The following DNAJC3 variants were observed in gnomAD, a reference collection of about 807,000 sequenced individuals.
DNAJC3 encodes the protein dnaJ homolog subfamily C member 3.
In DNAJC3, 38 loss-of-function variants were observed where a neutral mutation model predicts 68.6. That is an observed-to-expected ratio of 0.55 (90% CI 0.43 to 0.73). The LOEUF is 0.73. DNAJC3 is among the 30% of genes least tolerant of loss of function. The pLI is 0.00. For missense variants in DNAJC3, 526 were observed against 591.9 expected (o/e 0.89, Z 1.16); for synonymous variants, 203 against 204.0 (o/e 1.00, Z 0.04).
chr13:95,764,037 A>T, intron 9 of DNAJC3, 84 bp downstream of exon 9: 2 of 1,542,852 alleles, frequency 1.3e-6, no homozygotes, highest in Non-Finnish European at 1.7e-6. Flanking sequence ...CCTTAAAACA[A>T]ATTTACCAGA....
At chr13:95,781,217 C>G (rs1883441430) in intron 9 of DNAJC3, among the ~76,000 whole-genome samples, 1 of 152,116 alleles carries the variant, frequency 6.6e-6, no homozygotes, top group Non-Finnish European at 1.5e-5. Context: ...CCTCCACAGG[C>G]ACACCTTTCA....
chr13:95,775,247 A>C (rs1883263157), intron 9 of DNAJC3, among the ~76,000 whole-genome samples: 1 of 152,190 alleles, frequency 6.6e-6, no homozygotes, highest in East Asian at 1.9e-4. Flanking sequence ...GTTTTAAATA[A>C]ATTTCTAATA....
At chr13:95,714,754 G>A (rs1881084645) in intron 2 of DNAJC3, among the ~76,000 whole-genome samples, 1 of 152,192 alleles carries the variant, frequency 6.6e-6, no homozygotes, top group African/African-American at 2.4e-5. Flanking sequence ...TAGAAAAAGT[G>A]TGTCTTAAAG....
chr13:95,749,167 G>T (rs1224330274), intron 4 of DNAJC3, among the ~76,000 whole-genome samples: 1 of 152,182 alleles, frequency 6.6e-6, no homozygotes, highest in Non-Finnish European at 1.5e-5. Context: ...ATGCATTTTT[G>T]TTATATCATA....
At chr13:95,776,651 T>G (rs1380249282) in intron 9 of DNAJC3, among the ~76,000 whole-genome samples, 3 of 152,354 alleles carry the variant, frequency 2.0e-5, no homozygotes. Flanking sequence ...TTTTTGTACT[T>G]TTAAAAATAG....
At chr13:95,713,163 CTT>C (rs1047141903) in intron 2 of DNAJC3, among the ~76,000 whole-genome samples, 2 of 152,120 alleles carry the variant, frequency 1.3e-5, no homozygotes, top group Non-Finnish European at 2.9e-5. Flanking sequence ...TCCGGTATGT[CTT>C]TATTAGCAGT....
intron 4 of DNAJC3, among the ~76,000 whole-genome samples, chr13:95,728,211 G>T (rs1291625588): frequency 6.6e-6 from 1 of 152,084 alleles, no homozygotes; most frequent in Non-Finnish European, 1.5e-5. Flanking sequence ...GTTATCCCTG[G>T]GATAAATGTC....
rs373244343 is a variant in DNAJC3 at position 95,751,107 on chromosome 13, T to TA, written c.394-6536dup. On this transcript the variant is annotated intron_variant, in intron 4 of 11. Coordinates refer to ENST00000602402, the MANE Select transcript of DNAJC3 (RefSeq NM_006260.5). Reference sequence around the variant, plus strand: ...ATAATTAACTGGGTATGGTGACACATACCTGTAGTCCTAGCTACTTGGGAG... The same window carrying TA: ...ATAATTAACTGGGTATGGTGACACATAACCTGTAGTCCTAGCTACTTGGGAG... Among the ~76,000 whole-genome samples the TA allele has an allele frequency of 2.2e-3, 329 of 152,244 alleles. 5 individuals carry two copies. Among genetic ancestry groups the TA allele is most frequent in the African/African-American group, 7.6e-3 (314 of 41,548 alleles).
chr13:95,727,194 G>GT lies in DNAJC3; in HGVS notation c.393+1954dup, dbSNP rs796640225. On this transcript the variant is annotated intron_variant, in intron 4 of 11. Transcript: ENST00000602402. ...GCAGATGCTTAAATCTGTTACTTAG[G>GT]TTTTTTTTTTTTCCAATTAAACTTG... Among the ~76,000 whole-genome samples, 943 of 146,018 alleles carry GT rather than the reference G, an allele frequency of 6.5e-3. 9 individuals carry two copies. Among genetic ancestry groups the GT allele is most frequent in the African/African-American group, 0.018 (741 of 40,208 alleles).
chr13:95,722,793 CTGGGTGACAGACACCTTGTCCG>C (rs1362278146), intron 2 of DNAJC3, among the ~76,000 whole-genome samples: 4 of 124,404 alleles, frequency 3.2e-5, no homozygotes, highest in African/African-American at 1.2e-4. Context: ...GCGCTCCAAC[CTGGGTGACAGACACCTTGTCCG>C]CCCCCCCCCC....
At chr13:95,720,136 T>G (rs1168049999) in intron 2 of DNAJC3, among the ~76,000 whole-genome samples, 1 of 152,086 alleles carries the variant, frequency 6.6e-6, no homozygotes, top group Non-Finnish European at 1.5e-5. Context: ...GTAAGGGATA[T>G]GTATTATAGA....
intron 4 of DNAJC3, among the ~76,000 whole-genome samples, chr13:95,746,338 G>A (rs1243643829): frequency 6.6e-6 from 1 of 152,104 alleles, no homozygotes; most frequent in African/African-American, 2.4e-5. Context: ...ATTACCTTCT[G>A]GAGGAAGATT....
Position 95,757,637 on chromosome 13 carries a change from C to T in DNAJC3, c.394-7C>T. The T allele has an allele frequency of 3.2e-6, 5 of 1,539,514 alleles. No homozygotes were observed. The highest frequency in any genetic ancestry group is 4.4e-6 in the Non-Finnish European group (5 of 1,128,758). ...AAACTCTGCTTAGTTTTTTATTTTC[C>T]TTATAGCTCAAATCTAATCCAAGTG... On this transcript the variant is annotated splice_polypyrimidine_tract_variant and splice_region_variant and intron_variant, in intron 4 of 11. Transcript: ENST00000602402.
At chr13:95,774,434 CT>C (rs1883244305) in intron 9 of DNAJC3, among the ~76,000 whole-genome samples, 1 of 152,056 alleles carries the variant, frequency 6.6e-6, no homozygotes, top group African/African-American at 2.4e-5. Flanking sequence ...TTTATTTAGG[CT>C]TGTTTTGTGG....
chr13:95,771,931 GATTT>G (rs905527839), intron 9 of DNAJC3, among the ~76,000 whole-genome samples: 7 of 152,092 alleles, frequency 4.6e-5, no homozygotes, highest in African/African-American at 1.4e-4. Flanking sequence ...ATGTTTTTGA[GATTT>G]ATTTATGTTA....
At chr13:95,696,618 T>A (rs150231155) in intron 1 of DNAJC3, among the ~76,000 whole-genome samples, 16 of 152,366 alleles carry the variant, frequency 1.1e-4, no homozygotes, top group African/African-American at 3.6e-4. Context: ...TTATCTGATA[T>A]AAGAATGTTT....
At chr13:95,697,215 A>G (rs1012754489) in intron 1 of DNAJC3, among the ~76,000 whole-genome samples, 1 of 152,168 alleles carries the variant, frequency 6.6e-6, no homozygotes, top group African/African-American at 2.4e-5. Context: ...GGTCTAGTCT[A>G]GTGGTGATGA....
rs766600352 is a variant in DNAJC3, at chr13:95,791,032, C to CCAA, written c.*4_*6dup. Reference sequence around the variant, plus strand: ...AGATTTAAATTCCACTTCAATTAAACCAACTGTTTTTCTGCTCTTCTTAAT... The same window carrying CCAA: ...AGATTTAAATTCCACTTCAATTAAACCAACAACTGTTTTTCTGCTCTTCTTAAT... On this transcript the variant is annotated 3_prime_UTR_variant, in exon 12 of 12. Coordinates refer to ENST00000602402, the MANE Select transcript of DNAJC3 (RefSeq NM_006260.5). The CCAA allele has an allele frequency of 1.2e-6, 2 of 1,613,308 alleles. No homozygotes were observed. The highest frequency in any genetic ancestry group is 1.6e-4 in the Middle Eastern group (1 of 6,062).
intron 1 of DNAJC3, among the ~76,000 whole-genome samples, chr13:95,692,269 T>C (rs959929752): frequency 1.3e-5 from 2 of 152,216 alleles, no homozygotes; most frequent in African/African-American, 2.4e-5. Context: ...TAGAATGTTC[T>C]GTAAATGTCT....
Sources: gnomAD v4.1 joint callset for allele counts (sites outside exome capture counted in the v4.1 genomes callset) on GRCh38, gnomAD v4.1.1 for gene constraint, MANE v1.5 for transcripts, NCBI Gene and HGNC (gene_info 2026-07-23, HGNC 2026-07-21) for gene names.